LUC7L3: variants seen among roughly 807,000 people sequenced by gnomAD.
The protein encoded by LUC7L3 is luc7-like protein 3.
Under a neutral mutation model 66.8 loss-of-function variants are expected in LUC7L3, and 6 were observed. The observed-to-expected ratio is 0.09, with a 90% confidence interval of 0.05 to 0.18. LUC7L3 has a LOEUF of 0.18. Ranked by LOEUF, LUC7L3 falls within the 10% of genes least tolerant of loss-of-function variation. The pLI, the probability that LUC7L3 is intolerant of heterozygous loss-of-function variation, is 1.00. For missense variants in LUC7L3, 341 were observed against 531.1 expected, an observed-to-expected ratio of 0.64 and a Z score of 3.52; for synonymous variants, 160 against 174.7, an observed-to-expected ratio of 0.92 and a Z score of 0.66.
At chr17:50,742,124 A>G (rs1358940017) in intron 5 of LUC7L3, among the ~76,000 whole-genome samples, 2 of 152,174 alleles carry the variant, frequency 1.3e-5, no homozygotes, top group Non-Finnish European at 2.9e-5. Context: ...CTGAAAGGAC[A>G]GCAAATATGA....
chr17:50,729,476 G>C (rs986584021), intron 1 of LUC7L3, among the ~76,000 whole-genome samples: 1 of 151,896 alleles, frequency 6.6e-6, no homozygotes, highest in Non-Finnish European at 1.5e-5. Flanking sequence ...CCTTATTCCA[G>C]TTCAGGGTGG....
At chr17:50,730,513 CAAAAAAAA>C (rs3063109) in intron 1 of LUC7L3, among the ~76,000 whole-genome samples, 12 of 59,088 alleles carry the variant, frequency 2.0e-4, no homozygotes, top group South Asian at 8.7e-4. Flanking sequence ...ACTCTGTCTC[CAAAAAAAA>C]AAAAAAAAAA....
At chr17:50,739,674 A>G (rs1487345978) in intron 2 of LUC7L3, among the ~76,000 whole-genome samples, 2 of 152,128 alleles carry the variant, frequency 1.3e-5, no homozygotes, top group African/African-American at 4.8e-5. Context: ...AAACAACAAC[A>G]ACAACAACAG....
intron 1 of LUC7L3, among the ~76,000 whole-genome samples, chr17:50,729,942 A>ATATATATATG (rs1969472661): frequency 1.9e-4 from 6 of 30,836 alleles, no homozygotes; most frequent in African/African-American, 5.6e-4. Flanking sequence ...ATATATATAT[A>ATATATATATG]TATGTATGTA....
chr17:50,737,134 A>G, intron 2 of LUC7L3, 108 bp downstream of exon 2: 2 of 757,674 alleles, frequency 2.6e-6, no homozygotes, highest in East Asian at 2.7e-5. Flanking sequence ...GTTTTTTCTT[A>G]AAGATTTGCT....
At chr17:50,746,090 A>C in intron 8 of LUC7L3, 87 bp downstream of exon 8, 1 of 1,444,666 alleles carries the variant, frequency 6.9e-7, no homozygotes, top group Non-Finnish European at 9.1e-7. Context: ...TTGGAATGGT[A>C]CTTGGGAAGC....
intron 1 of LUC7L3, among the ~76,000 whole-genome samples, chr17:50,721,903 C>T (rs1316375427): frequency 2.0e-5 from 3 of 151,854 alleles, no homozygotes; most frequent in Non-Finnish European, 4.4e-5. Context: ...TGGATGGGGC[C>T]CTTGTTTTTT....
intron 1 of LUC7L3, among the ~76,000 whole-genome samples, chr17:50,729,522 C>G (rs1969423335): frequency 6.6e-6 from 1 of 152,078 alleles, no homozygotes; most frequent in South Asian, 2.1e-4. Context: ...GCCCAGGATG[C>G]AAGGCAGGAA....
intron 1 of LUC7L3, among the ~76,000 whole-genome samples, chr17:50,731,542 G>A (rs886936862): frequency 1.2e-4 from 18 of 151,940 alleles, no homozygotes; most frequent in African/African-American, 3.4e-4. Flanking sequence ...CCATTTTTTC[G>A]GATCACTTGT....
intron 1 of LUC7L3, among the ~76,000 whole-genome samples, chr17:50,730,333 A>G (rs1157484811): frequency 2.6e-5 from 4 of 151,942 alleles, no homozygotes; most frequent in African/African-American, 9.7e-5. Flanking sequence ...GTTCGAGATC[A>G]ACCATGGTAA....
In LUC7L3 at chr17:50,743,057, C is replaced by T. The variant is rs542251481; in HGVS notation, c.427-649C>T. 2.6e-5 allele frequency among the ~76,000 whole-genome samples: 4 copies of T among 152,184 alleles called. No individual in the cohort carries two copies. The South Asian group carries it at 8.3e-4, about 32-fold the overall frequency. ...TGACAGAAAGCAGATCTGTGGTTGC[C>T]TGGGGATTGTGTTTAGGATTCAGGC... On this transcript the variant is annotated intron_variant, in intron 5 of 9. Coordinates refer to ENST00000505658, the MANE Select transcript of LUC7L3 (RefSeq NM_016424.5).
intron 1 of LUC7L3, among the ~76,000 whole-genome samples, chr17:50,726,408 G>C (rs1203485527): frequency 6.6e-6 from 1 of 152,168 alleles, no homozygotes; most frequent in African/African-American, 2.4e-5. Context: ...CTGGCCTTAA[G>C]TGATCCGCCC....
At chr17:50,723,875 T>TC (rs1234178598) in intron 1 of LUC7L3, 8 of 423,958 alleles carry the variant, frequency 1.9e-5, no homozygotes, top group Non-Finnish European at 9.7e-6. Context: ...CCTCAAGTGA[T>TC]CGGTCCGCCT....
intron 1 of LUC7L3, among the ~76,000 whole-genome samples, chr17:50,733,005 A>T (rs974458475): frequency 3.9e-5 from 6 of 152,272 alleles, no homozygotes; most frequent in Admixed American, 1.3e-4. Flanking sequence ...AGATGTGTTT[A>T]TTCGTTTTTT....
intron 9 of LUC7L3, among the ~76,000 whole-genome samples, chr17:50,747,531 C>T (rs887755662): frequency 2.0e-5 from 3 of 152,016 alleles, no homozygotes; most frequent in Admixed American, 6.6e-5. Flanking sequence ...TCTCAGCTCT[C>T]CTTGTTTCAT....
Position 50,743,798 on chromosome 17 carries a change from G to A in LUC7L3, c.519G>A (p.Arg173=), listed in dbSNP as rs115542283. ...TAAAAGAAGAGAGAGAACTGCTAAG[G>A]TCCACAACGTCGGTGAGTAAACCTT... ...EQLKEERELL[R]STTSTIESFA... is the part of the protein sequence containing the mutation. The change falls in exon 6 of 10, where the codon AGG becomes AGA. Residue 173 remains arginine (R), a synonymous_variant. Transcript: ENST00000505658. 633 of 1,611,098 alleles carry A rather than the reference G, an allele frequency of 3.9e-4. 1 individual carries two copies. The African/African-American group carries it at 7.4e-3, about 19-fold the overall frequency.
Position 50,751,686 on chromosome 17 carries a change from TAGG to T in LUC7L3, c.*1028_*1030del. On this transcript the variant is annotated 3_prime_UTR_variant, in exon 10 of 10. Transcript: ENST00000505658. ...TATGTGCTTAATATTTCCTACTGTG[TAGG>T]AGAATTTGCAGTCAGCCATAGGTAT... is the stretch of plus-strand genomic sequence containing the variant. 1 of 1,069,466 alleles carries T rather than the reference TAGG, an allele frequency of 9.4e-7. No individual in the cohort carries two copies. The highest frequency in any genetic ancestry group is 1.1e-6 in the Non-Finnish European group (1 of 878,578). The allele number at this position is 1,069,466 out of a possible 1,614,324, so 66.2% of individuals were successfully genotyped here.
At chr17:50,735,099 G>A (rs1969887700) in intron 1 of LUC7L3, among the ~76,000 whole-genome samples, 1 of 151,774 alleles carries the variant, frequency 6.6e-6, no homozygotes, top group Admixed American at 6.6e-5. Context: ...GTGTGGTGGC[G>A]CATGCCTGTA....
In LUC7L3 at chr17:50,755,941, AAAG is replaced by A. The variant is rs895854508; in HGVS notation, c.*5281_*5283del. On this transcript the variant is annotated 3_prime_UTR_variant, in exon 10 of 10. Coordinates refer to ENST00000505658, the MANE Select transcript of LUC7L3 (RefSeq NM_016424.5). Reference sequence around the variant, plus strand: ...AAACTCAACAATAGAAGGATCAAAAAAAGCAAGTCACAGAAGAATACATCACTA... The same window carrying A: ...AAACTCAACAATAGAAGGATCAAAAACAAGTCACAGAAGAATACATCACTA... 1 of 152,274 alleles carries A rather than the reference AAAG, an allele frequency of 6.6e-6. No homozygotes were observed. Among genetic ancestry groups the A allele is most frequent in the Non-Finnish European group, 1.5e-5 (1 of 68,052 alleles). 9.4% of individuals were successfully genotyped at this position (152,274 alleles called of 1,614,324 possible).
Sources: gnomAD v4.1 joint callset for allele counts (sites outside exome capture counted in the v4.1 genomes callset) on GRCh38, gnomAD v4.1.1 for gene constraint, MANE v1.5 for transcripts, NCBI Gene and HGNC (gene_info 2026-07-23, HGNC 2026-07-21) for gene names.